The following THSD4 variants were observed in gnomAD, a reference collection of about 807,000 sequenced individuals.
The protein encoded by THSD4 is thrombospondin type 1 domain containing 4, also known as thrombospondin type-1 domain-containing protein 4.
A neutral mutation model predicts 119.0 loss-of-function variants in THSD4; 69 were observed. That is an observed-to-expected ratio of 0.58 (90% CI 0.48 to 0.71). The LOEUF (loss-of-function observed/expected upper bound fraction) is 0.71. THSD4 is among the 30% of genes least tolerant of loss of function. The pLI is 0.00. For missense variants in THSD4, 1,393 were observed against 1,391.1 expected (o/e 1.00, Z -0.02); for synonymous variants, 524 against 540.4 (o/e 0.97, Z 0.42).
At chr15:71,431,419 A>G (rs1401302267) in intron 7 of THSD4, among the ~76,000 whole-genome samples, 1 of 152,196 alleles carries the variant, frequency 6.6e-6, no homozygotes, top group Non-Finnish European at 1.5e-5. Flanking sequence ...CTTCTTGAAG[A>G]CAGAACACTT....
intron 7 of THSD4, among the ~76,000 whole-genome samples, chr15:71,437,865 T>G (rs2047035249): frequency 6.6e-6 from 1 of 152,248 alleles, no homozygotes; most frequent in South Asian, 2.1e-4. Flanking sequence ...ACTTTTTGGC[T>G]ATTTGCCAGT....
intron 7 of THSD4, among the ~76,000 whole-genome samples, chr15:71,612,112 A>G (rs1462654682): frequency 1.3e-5 from 2 of 152,208 alleles, no homozygotes; most frequent in Non-Finnish European, 2.9e-5. Context: ...GGAAATGGAC[A>G]ACTCTCAAAG....
chr15:71,224,569 C>T (rs529856086), intron 4 of THSD4, among the ~76,000 whole-genome samples: 3 of 152,272 alleles, frequency 2.0e-5, no homozygotes, highest in African/African-American at 7.2e-5. Context: ...GGAAAACTCA[C>T]TACACACTTA....
intron 8 of THSD4, among the ~76,000 whole-genome samples, chr15:71,689,369 C>T (rs1208239295): frequency 6.6e-6 from 1 of 152,152 alleles, no homozygotes; most frequent in African/African-American, 2.4e-5. Context: ...CTGTGTCTGC[C>T]ACTGAGCAGC....
chr15:71,727,119 A>G (rs907695399), intron 8 of THSD4, among the ~76,000 whole-genome samples: 3 of 151,912 alleles, frequency 2.0e-5, no homozygotes, highest in African/African-American at 7.3e-5. Flanking sequence ...CACACTAGAA[A>G]TCACAGGTCT....
intron 4 of THSD4, among the ~76,000 whole-genome samples, chr15:71,226,752 G>A (rs998032908): frequency 2.0e-5 from 3 of 152,178 alleles, no homozygotes; most frequent in Admixed American, 2.0e-4. Flanking sequence ...TTACCTACAG[G>A]GGGGCAGAAA....
chr15:71,455,724 T>G (rs1405952864), intron 7 of THSD4, among the ~76,000 whole-genome samples: 1 of 152,048 alleles, frequency 6.6e-6, no homozygotes, highest in Non-Finnish European at 1.5e-5. Context: ...CAGGCAGAAA[T>G]TAGAAGCACT....
At chr15:71,162,782 T>TGTCCCATAA (rs1442560659) in intron 3 of THSD4, among the ~76,000 whole-genome samples, 4 of 152,084 alleles carry the variant, frequency 2.6e-5, no homozygotes, top group African/African-American at 9.7e-5. Context: ...CCCTTAATGG[T>TGTCCCATAA]GTCCCATAAG....
At chr15:71,776,828 C>T (rs1006725920) in intron 17 of THSD4, among the ~76,000 whole-genome samples, 2 of 152,136 alleles carry the variant, frequency 1.3e-5, no homozygotes, top group Non-Finnish European at 2.9e-5. Context: ...AATTCAATGT[C>T]GAGCAAGTTG....
intron 8 of THSD4, among the ~76,000 whole-genome samples, chr15:71,681,599 G>C (rs934421512): frequency 7.3e-5 from 11 of 151,646 alleles, no homozygotes; most frequent in East Asian, 5.9e-4. Flanking sequence ...CGATTGAACC[G>C]GGGGGGTGGA....
chr15:71,296,990 T>C lies in THSD4; in HGVS notation c.1015+40275T>C, dbSNP rs1049981791. ...GACCTCAGTGCTCTTTTCTTTCTTT[T>C]GGCTGTTTCTGCCCCATCCCTGCTT... On this transcript the variant is annotated intron_variant, in intron 6 of 17. Transcript: ENST00000261862. Among the ~76,000 whole-genome samples the C allele has an allele frequency of 7.9e-5, 12 of 152,332 alleles. No homozygotes were observed. In the East Asian group the frequency reaches 2.1e-3, roughly 27 times the overall value.
chr15:71,201,775 A>G (rs577364999), intron 3 of THSD4, among the ~76,000 whole-genome samples: 3 of 152,218 alleles, frequency 2.0e-5, no homozygotes, highest in African/African-American at 7.2e-5. Flanking sequence ...GGGACTTGAA[A>G]TGTTTGGGGA....
intron 17 of THSD4, among the ~76,000 whole-genome samples, chr15:71,772,282 G>A (rs1275976335): frequency 1.3e-5 from 2 of 152,162 alleles, no homozygotes; most frequent in Non-Finnish European, 2.9e-5. Flanking sequence ...GTCAGTTACA[G>A]CATAGATGCT....
chr15:71,442,069 C>T (rs914901804), intron 7 of THSD4, among the ~76,000 whole-genome samples: 8 of 152,134 alleles, frequency 5.3e-5, no homozygotes, highest in Non-Finnish European at 2.9e-5. Context: ...AGCGATCCCC[C>T]TGCCTAAGCC....
intron 7 of THSD4, among the ~76,000 whole-genome samples, chr15:71,448,207 G>A (rs2140574491): frequency 6.6e-6 from 1 of 152,212 alleles, no homozygotes; most frequent in South Asian, 2.1e-4. Context: ...ACTAGAAATG[G>A]GCCTTGTAAG....
At chr15:71,241,500 G>A (rs1237330515) in intron 4 of THSD4, among the ~76,000 whole-genome samples, 1 of 152,160 alleles carries the variant, frequency 6.6e-6, no homozygotes, top group East Asian at 1.9e-4. Flanking sequence ...TTGGGGTCTT[G>A]AAAACTATGG....
intron 4 of THSD4, among the ~76,000 whole-genome samples, chr15:71,239,744 T>C (rs556175910): frequency 1.3e-5 from 2 of 152,290 alleles, no homozygotes; most frequent in African/African-American, 4.8e-5. Context: ...TCTGTACTTA[T>C]CATAGCTCTG....
intron 4 of THSD4, among the ~76,000 whole-genome samples, chr15:71,235,974 G>T (rs910265402): frequency 4.6e-5 from 7 of 152,126 alleles, no homozygotes; most frequent in African/African-American, 1.4e-4. Context: ...GGCAGGGGTG[G>T]TCAGCCTCAT....
chr15:71,370,492 C>T lies in THSD4; in HGVS notation c.1016-41195C>T, dbSNP rs556876436. Among the ~76,000 whole-genome samples the T allele has an allele frequency of 3.3e-5, 5 of 152,230 alleles. No individual in the cohort carries two copies. The East Asian group carries it at 9.7e-4, about 29-fold the overall frequency. ...TTTTGGTACGTTGTGTCTTTGTTCT[C>T]ATTGGTTTCAAAGAATATCTTTATT... On this transcript the variant is annotated intron_variant, in intron 6 of 17. Coordinates refer to ENST00000261862, the MANE Select transcript of THSD4 (RefSeq NM_024817.3).
Sources: gnomAD v4.1 joint callset for allele counts (sites outside exome capture counted in the v4.1 genomes callset) on GRCh38, gnomAD v4.1.1 for gene constraint, MANE v1.5 for transcripts, NCBI Gene and HGNC (gene_info 2026-07-23, HGNC 2026-07-21) for gene names.